Variants in BLM observed in about 807,000 individuals in gnomAD.
BLM encodes BLM RecQ like helicase.
In BLM, 95 loss-of-function variants were observed where a neutral mutation model predicts 135.3. The ratio of observed to expected loss-of-function variants is 0.70; its 90% CI spans 0.59 to 0.83. The LOEUF (loss-of-function observed/expected upper bound fraction) is 0.83, where lower values mean the gene tolerates loss of function less well. Among genes scored for constraint, BLM ranks in the 40% least tolerant of loss-of-function variants. BLM has a pLI of 0.00. For missense variants in BLM, 1,518 were observed against 1,663.9 expected, an observed-to-expected ratio of 0.91 and a Z score of 1.53; for synonymous variants, 520 against 589.2, an observed-to-expected ratio of 0.88 and a Z score of 1.70.
In BLM at chr15:90,803,516, A is replaced by T; in HGVS notation, c.3359-5A>T. 1 of 1,609,564 alleles carries T rather than the reference A, an allele frequency of 6.2e-7. No individual in the cohort carries two copies. Among genetic ancestry groups the T allele is most frequent in the South Asian group, 1.1e-5 (1 of 90,992 alleles). On this transcript the variant is annotated splice_region_variant and splice_polypyrimidine_tract_variant and intron_variant, in intron 17 of 21. Coordinates refer to ENST00000355112, the MANE Select transcript of BLM (RefSeq NM_000057.4). Reference sequence around the variant, plus strand: ...CTCATCTTACTTCCTGTATCTTCTTATCAGGGAGTAAGAGTGCAAAAATCC... The same window carrying T: ...CTCATCTTACTTCCTGTATCTTCTTTTCAGGGAGTAAGAGTGCAAAAATCC...
rs454060 is a variant in BLM at position 90,804,525 on chromosome 15, A to G, written c.3751+166A>G. ...GTCACCCGGGCTGGAGTGCTGTGGC[A>G]TGATCATGACTCACTGCAGCCTCAA... On this transcript the variant is annotated intron_variant, in intron 19 of 21. Transcript: ENST00000355112. Among the ~76,000 whole-genome samples the G allele has an allele frequency of 0.66, 100,958 of 151,988 alleles. 33,839 individuals are homozygous for G. The highest frequency in any genetic ancestry group is 0.82 in the East Asian group (4,221 of 5,170).
At chr15:90,733,975 CAT>C in intron 1 of BLM, among the ~76,000 whole-genome samples, 1 of 152,092 alleles carries the variant, frequency 6.6e-6, no homozygotes, top group South Asian at 2.1e-4. Flanking sequence ...AAATATTTAA[CAT>C]AAAAATTAAA....
intron 20 of BLM, among the ~76,000 whole-genome samples, chr15:90,809,779 C>T (rs1358012053): frequency 2.0e-5 from 3 of 152,182 alleles, no homozygotes; most frequent in Non-Finnish European, 2.9e-5. Flanking sequence ...CAGACGTTCC[C>T]GGAGTCACGT....
At chr15:90,748,764 CTT>C (rs961578747) in intron 2 of BLM, among the ~76,000 whole-genome samples, 7 of 142,882 alleles carry the variant, frequency 4.9e-5, no homozygotes, top group East Asian at 2.0e-4. Context: ...TTTCTTTTTT[CTT>C]TTTTTTTTTT....
intron 1 of BLM, among the ~76,000 whole-genome samples, chr15:90,721,476 G>A (rs1157000647): frequency 1.3e-5 from 2 of 151,330 alleles, no homozygotes; most frequent in African/African-American, 2.4e-5. Context: ...ACAGGCACCC[G>A]CCACCACGCC....
chr15:90,798,612 A>G (rs1408036792), intron 17 of BLM, among the ~76,000 whole-genome samples: 1 of 151,478 alleles, frequency 6.6e-6, no homozygotes, highest in Non-Finnish European at 1.5e-5. Flanking sequence ...AAATGTCAGT[A>G]AGGAAATAAA....
chr15:90,740,763 A>T lies in BLM; in HGVS notation c.-4-6626A>T, dbSNP rs564944062. On this transcript the variant is annotated intron_variant, in intron 1 of 21. Transcript: ENST00000355112. ...CATGCTGTTCTTGTGAGAGTGAATA[A>T]GTCTCACGAGAGCTGATGGTTTTAT... Among the ~76,000 whole-genome samples, 52 of 152,214 alleles carry T rather than the reference A, an allele frequency of 3.4e-4. 1 individual carries two copies. In the South Asian group the frequency reaches 7.1e-3, roughly 21 times the overall value.
Position 90,751,891 on chromosome 15 carries a change from C to A in BLM, c.904C>A (p.Pro302Thr). ...TGATGATTATGATACGGATTTTGTT[C>A]CACCTTCTCCAGAAGAAATTATTTC... is the stretch of plus-strand genomic sequence containing the variant. ...DDDDYDTDFV[P>T]PSPEEIISAS... is the part of the protein sequence containing the mutation. Residue 302 changes from proline (P) to threonine (T), a missense_variant, in exon 4 of 22, where the codon CCA (proline) becomes ACA (threonine). By Grantham distance (38) the Pro-to-Thr change is conservative (BLOSUM62 -1). Transcript: ENST00000355112. 1 of 1,613,170 alleles carries A rather than the reference C, an allele frequency of 6.2e-7. No individual in the cohort carries two copies. The highest frequency in any genetic ancestry group is 1.1e-5 in the South Asian group (1 of 91,048).
rs770111029 is a variant in BLM, at chr15:90,749,939, A to G, written c.671A>G (p.Gln224Arg). Residue 224 changes from glutamine (Q) to arginine (R), a missense_variant, in exon 3 of 22, where the codon CAG (glutamine) becomes CGG (arginine). Coordinates refer to ENST00000355112, the MANE Select transcript of BLM (RefSeq NM_000057.4). The part of the protein sequence containing the change: ...ESEQIDLTEE[Q>R]KDDSEWLSSD... ...GAGCAAATAGATTTGACTGAGGAAC[A>G]GAAGGATGACTCAGAATGGTTAAGC... The G allele has an allele frequency of 4.3e-6, 7 of 1,614,046 alleles. No homozygotes were observed. The highest frequency in any genetic ancestry group is 5.1e-6 in the Non-Finnish European group (6 of 1,179,968).
At chr15:90,788,422 T>G (rs569778458) in intron 14 of BLM, among the ~76,000 whole-genome samples, 1 of 151,990 alleles carries the variant, frequency 6.6e-6, no homozygotes, top group African/African-American at 2.4e-5. Flanking sequence ...AATACTGATT[T>G]TAGTCTTCCC....
chr15:90,789,987 G>GTTTTTTTTTTTTTTTTTTTTTTTTT (rs61059865), intron 14 of BLM, among the ~76,000 whole-genome samples: 1 of 57,358 alleles, frequency 1.7e-5, no homozygotes, highest in African/African-American at 5.3e-5. Context: ...AGTCCCTGGT[G>GTTTTTTTTTTTTTTTTTTTTTTTTT]TTTTTTTTTT....
intron 1 of BLM, among the ~76,000 whole-genome samples, chr15:90,724,002 A>G (rs1894839116): frequency 2.6e-5 from 4 of 151,608 alleles, no homozygotes; most frequent in Admixed American, 2.0e-4. Flanking sequence ...TTATTATTTA[A>G]CTTAATTGTA....
At position 90,749,995 on chromosome 15, in the gene BLM, A is replaced by G. The variant is rs201722470; in HGVS notation, c.727A>G (p.Ile243Val). 1.4e-5 allele frequency: 23 copies of G among 1,614,106 alleles called. No individual in the cohort carries two copies. The highest frequency in any genetic ancestry group is 2.2e-5 in the East Asian group (1 of 44,900). ...TGTGATTTGCATCGATGATGGCCCC[A>G]TTGCTGAAGTGCATATAAATGAAGA... ...SDVICIDDGP[I>V]AEVHINEDAQ... The change falls in exon 3 of 22, where the codon ATT (isoleucine) becomes GTT (valine). Residue 243 changes from isoleucine (I) to valine (V), a missense_variant. Coordinates refer to ENST00000355112, the MANE Select transcript of BLM (RefSeq NM_000057.4).
intron 5 of BLM, among the ~76,000 whole-genome samples, chr15:90,757,224 T>C (rs1462174647): frequency 1.3e-5 from 2 of 151,006 alleles, no homozygotes; most frequent in African/African-American, 4.9e-5. Flanking sequence ...CACTTTCAAA[T>C]TTTTTGAAAA....
chr15:90,741,878 G>A (rs1277773663), intron 1 of BLM, among the ~76,000 whole-genome samples: 3 of 152,160 alleles, frequency 2.0e-5, no homozygotes, highest in African/African-American at 7.2e-5. Context: ...TTCACCCCTA[G>A]TGTAAAATAT....
chr15:90,763,902 A>G (rs1896052961), intron 8 of BLM, among the ~76,000 whole-genome samples: 1 of 152,220 alleles, frequency 6.6e-6, no homozygotes, highest in Non-Finnish European at 1.5e-5. Context: ...CCCTCTGTCT[A>G]TCACCTGACT....
chr15:90,737,029 C>T (rs1895236292), intron 1 of BLM, among the ~76,000 whole-genome samples: 1 of 152,154 alleles, frequency 6.6e-6, no homozygotes, highest in Admixed American at 6.5e-5. Context: ...ACAGTACAAA[C>T]ACAAACTAAT....
At chr15:90,768,977 C>T (rs940547950) in intron 10 of BLM, among the ~76,000 whole-genome samples, 156 bp from the exon 11 acceptor site, 1 of 152,196 alleles carries the variant, frequency 6.6e-6, no homozygotes, top group African/African-American at 2.4e-5. Flanking sequence ...CCACCCACCT[C>T]GGCTTCCCAA....
At chr15:90,746,092 CA>C (rs1895495179) in intron 1 of BLM, among the ~76,000 whole-genome samples, 1 of 152,008 alleles carries the variant, frequency 6.6e-6, no homozygotes, top group African/African-American at 2.4e-5. Context: ...AGAAAACAAA[CA>C]AACAAAAAGT....
Sources: allele counts gnomAD v4.1 joint callset (sites outside exome capture counted in the v4.1 genomes callset), GRCh38; gene constraint gnomAD v4.1.1; transcripts MANE v1.5; gene names NCBI Gene and HGNC (gene_info 2026-07-23, HGNC 2026-07-21).